Variants in OXCT1 observed in about 807,000 individuals in gnomAD.
OXCT1 encodes the protein 3-oxoacid CoA-transferase 1.
OXCT1 carries 27 observed loss-of-function variants against 69.6 expected under a neutral mutation model. The ratio of observed to expected loss-of-function variants is 0.39; its 90% CI spans 0.29 to 0.54. The LOEUF (loss-of-function observed/expected upper bound fraction) is 0.54, where lower values mean the gene tolerates loss of function less well. OXCT1 is among the 20% of genes least tolerant of loss of function. The probability of loss-of-function intolerance (pLI) is 0.72; values close to 1 mark genes in which losing one functional copy is unlikely to be tolerated. For synonymous variants in OXCT1, 202 were observed against 217.8 expected, an observed-to-expected ratio of 0.93 and a Z score of 0.64; for missense variants, 437 against 650.2, an observed-to-expected ratio of 0.67 and a Z score of 3.57.
At chr5:41,768,852 G>C (rs564181458) in intron 13 of OXCT1, among the ~76,000 whole-genome samples, 16 of 152,158 alleles carry the variant, frequency 1.1e-4, no homozygotes, top group Non-Finnish European at 1.5e-4. Context: ...AGCGCTTCAG[G>C]GTAAAGTCCA....
At chr5:41,785,605 G>A (rs1745603343) in intron 13 of OXCT1, among the ~76,000 whole-genome samples, 1 of 152,116 alleles carries the variant, frequency 6.6e-6, no homozygotes. Context: ...AAAAGTGGTT[G>A]GTAACCAGAT....
At position 41,756,904 on chromosome 5, in the gene OXCT1, A is replaced by G. The variant is rs574235611; in HGVS notation, c.1338+5207T>C. ...AAGATATTCTTACGATGTTCTAGAA[A>G]CTTTCAGGAAGTGAGTGAGGGTGAA... On this transcript the variant is annotated intron_variant, in intron 14 of 16. Transcript: ENST00000196371. Among the ~76,000 whole-genome samples, 30 of 152,204 alleles carry G rather than the reference A, an allele frequency of 2.0e-4. No individual in the cohort carries two copies. The South Asian group carries it at 5.6e-3, about 28-fold the overall frequency.
intron 13 of OXCT1, among the ~76,000 whole-genome samples, chr5:41,772,412 A>G (rs1744918089): frequency 6.6e-6 from 1 of 152,204 alleles, no homozygotes; most frequent in African/African-American, 2.4e-5. Context: ...ATAAATTGAA[A>G]TCATTACCAG....
At chr5:41,808,247 C>T (rs1006285704) in intron 7 of OXCT1, among the ~76,000 whole-genome samples, 12 of 152,030 alleles carry the variant, frequency 7.9e-5, no homozygotes, top group African/African-American at 1.7e-4. Flanking sequence ...TCTGGTGACA[C>T]GCACGCACAC....
intron 5 of OXCT1, among the ~76,000 whole-genome samples, chr5:41,846,692 C>T (rs2112428626): frequency 6.6e-6 from 1 of 152,304 alleles, no homozygotes; most frequent in Middle Eastern, 3.4e-3. Flanking sequence ...TTCTAGATCC[C>T]TGAGGAATCG....
At chr5:41,792,669 C>G (rs934695743) in intron 13 of OXCT1, among the ~76,000 whole-genome samples, 3 of 152,186 alleles carry the variant, frequency 2.0e-5, no homozygotes, top group African/African-American at 7.2e-5. Context: ...GCTGCTAACC[C>G]TTGTAACTAT....
chr5:41,792,708 C>T (rs1745982274), intron 13 of OXCT1, among the ~76,000 whole-genome samples: 1 of 152,134 alleles, frequency 6.6e-6, no homozygotes, highest in South Asian at 2.1e-4. Context: ...AGTATTTTTA[C>T]AACTAAACTA....
chr5:41,791,459 C>T (rs1388327484), intron 13 of OXCT1, among the ~76,000 whole-genome samples: 1 of 152,152 alleles, frequency 6.6e-6, no homozygotes. Flanking sequence ...TAATCATTCA[C>T]AGGAATCTTA....
intron 7 of OXCT1, among the ~76,000 whole-genome samples, chr5:41,830,926 C>T (rs1748067188): frequency 6.6e-6 from 1 of 152,110 alleles, no homozygotes; most frequent in South Asian, 2.1e-4. Context: ...CATTAATTGG[C>T]CTGCTTAATA....
At chr5:41,868,583 C>T (rs1579919341) in intron 1 of OXCT1, among the ~76,000 whole-genome samples, 2 of 151,928 alleles carry the variant, frequency 1.3e-5, no homozygotes, top group Non-Finnish European at 2.9e-5. Flanking sequence ...ATTAGCCGGG[C>T]GTAGTGGCGG....
chr5:41,761,369 T>C (rs1276422173), intron 14 of OXCT1, among the ~76,000 whole-genome samples: 4 of 152,072 alleles, frequency 2.6e-5, no homozygotes, highest in Admixed American at 6.6e-5. Context: ...AGAGCACTTA[T>C]ATCAAGTTCA....
At chr5:41,778,608 T>A (rs1401697062) in intron 13 of OXCT1, among the ~76,000 whole-genome samples, 2 of 152,214 alleles carry the variant, frequency 1.3e-5, no homozygotes, top group Admixed American at 6.5e-5. Context: ...ACAATAACCA[T>A]GATCATCTGT....
At chr5:41,852,995 C>T (rs1467721330) in intron 4 of OXCT1, among the ~76,000 whole-genome samples, 1 of 151,536 alleles carries the variant, frequency 6.6e-6, no homozygotes, top group Admixed American at 6.6e-5. Context: ...TGCTTGAACT[C>T]GGGAGGTGGA....
chr5:41,750,147 T>TG (rs1743705535), intron 14 of OXCT1, among the ~76,000 whole-genome samples: 1 of 149,398 alleles, frequency 6.7e-6, no homozygotes, highest in Non-Finnish European at 1.5e-5. Context: ...TTTTTTTTTT[T>TG]TTTTTTTTTT....
At chr5:41,813,604 G>A (rs1215815791) in intron 7 of OXCT1, among the ~76,000 whole-genome samples, 1 of 152,074 alleles carries the variant, frequency 6.6e-6, no homozygotes, top group Non-Finnish European at 1.5e-5. Context: ...AAGGAAGTCA[G>A]CATTATAGTT....
rs1196005147 is a variant in OXCT1, at chr5:41,762,214, A to G, written c.1249-14T>C. 19 of 1,575,826 alleles carry G rather than the reference A, an allele frequency of 1.2e-5. 1 individual carries two copies. In the South Asian group the frequency reaches 2.1e-4, roughly 17 times the overall value. ...CACCATCTTCCCCTGCAAAACAAAA[A>G]ATAAATAGCTCTGTATCTTTCACTT... On this transcript the variant is annotated splice_polypyrimidine_tract_variant and intron_variant, in intron 13 of 16. Coordinates refer to ENST00000196371, the MANE Select transcript of OXCT1 (RefSeq NM_000436.4). This position sits in a 1 kb window ranked among gnomAD's most constrained non-coding sequence, Gnocchi z 4.0.
At position 41,856,494 on chromosome 5, in the gene OXCT1, C is replaced by T. The variant is rs577784836; in HGVS notation, c.279-2940G>A. 9.2e-5 allele frequency among the ~76,000 whole-genome samples: 14 copies of T among 152,270 alleles called. No individual in the cohort carries two copies. The East Asian group carries it at 2.3e-3, about 25-fold the overall frequency. On this transcript the variant is annotated intron_variant, in intron 3 of 16. Coordinates refer to ENST00000196371, the MANE Select transcript of OXCT1 (RefSeq NM_000436.4). ...TTCCACTCTCCACTCTCATACTCCT[C>T]ACACCGACAAGTGACCACTCCAGCT...
At chr5:41,769,755 A>G (rs901724921) in intron 13 of OXCT1, among the ~76,000 whole-genome samples, 6 of 151,878 alleles carry the variant, frequency 4.0e-5, no homozygotes, top group African/African-American at 1.5e-4. Context: ...CAGATGTAGG[A>G]TATCATCTTG....
intron 1 of OXCT1, among the ~76,000 whole-genome samples, chr5:41,866,922 T>A (rs1328647994): frequency 6.6e-6 from 1 of 152,136 alleles, no homozygotes; most frequent in Non-Finnish European, 1.5e-5. Context: ...GGGAGCCACA[T>A]GAGTAAGAGT....
Sources: gnomAD v4.1 joint callset for allele counts (sites outside exome capture counted in the v4.1 genomes callset) on GRCh38, gnomAD v4.1.1 for gene constraint, Gnocchi (gnomAD v3.1) non-coding constraint, MANE v1.5 for transcripts, NCBI Gene and HGNC (gene_info 2026-07-23, HGNC 2026-07-21) for gene names.